LAPTM5: variants seen among roughly 807,000 people sequenced by gnomAD.
LAPTM5 encodes the protein lysosomal-associated transmembrane protein 5.
LAPTM5 carries 11 observed loss-of-function variants against 30.1 expected under a neutral mutation model. The ratio of observed to expected loss-of-function variants is 0.37; its 90% CI spans 0.23 to 0.60. The LOEUF is 0.60. Among genes scored for constraint, LAPTM5 ranks in the 20% least tolerant of loss-of-function variants. The pLI is 0.71. For missense variants in LAPTM5, 324 were observed against 332.5 expected, an observed-to-expected ratio of 0.97 and a Z score of 0.20; for synonymous variants, 151 against 137.9, an observed-to-expected ratio of 1.10 and a Z score of -0.67.
intron 1 of LAPTM5, 29 bp downstream of exon 1, chr1:30,757,630 G>A (rs749275573): frequency 1.7e-5 from 28 of 1,604,022 alleles, no homozygotes; most frequent in Non-Finnish European, 1.2e-5. Flanking sequence ...AAGCACGCAC[G>A]CACACACACC....
chr1:30,733,650 G>A lies in LAPTM5; in HGVS notation c.*178C>T. 6.5e-7 allele frequency: 1 copy of A among 1,533,678 alleles called. No homozygotes were observed. Among genetic ancestry groups the A allele is most frequent in the East Asian group, 2.4e-5 (1 of 40,824 alleles). ...TGACTCAGCCTAAAGCGTTGACCCAGTTGTGAGCAGCTCACAGGCCCTGCA... is the reference window on the plus strand; with the variant it reads ...TGACTCAGCCTAAAGCGTTGACCCAATTGTGAGCAGCTCACAGGCCCTGCA... On this transcript the variant is annotated 3_prime_UTR_variant, in exon 8 of 8. Coordinates refer to ENST00000294507, the MANE Select transcript of LAPTM5 (RefSeq NM_006762.3).
chr1:30,742,213 G>T, intron 2 of LAPTM5: 1 of 562,230 alleles, frequency 1.8e-6, no homozygotes, highest in Non-Finnish European at 3.2e-6. Flanking sequence ...TTTACCAGCT[G>T]GTGGGGATTT....
Position 30,739,244 on chromosome 1 carries a change from C to A in LAPTM5, c.388-182G>T, listed in dbSNP as rs1639933467. On this transcript the variant is annotated intron_variant, in intron 4 of 7. Coordinates refer to ENST00000294507, the MANE Select transcript of LAPTM5 (RefSeq NM_006762.3). The surrounding 1 kb of genome is among the most constrained non-coding windows in gnomAD (Gnocchi z 4.2). Reference sequence around the variant, plus strand: ...GTTCATACCAAGAGCTGGTGGCAGACCCAAGACTAGAACCAAGGTCTCCAG... The same window carrying A: ...GTTCATACCAAGAGCTGGTGGCAGAACCAAGACTAGAACCAAGGTCTCCAG... The A allele has an allele frequency of 1.3e-6, 1 of 752,554 alleles. No homozygotes were observed. Among genetic ancestry groups the A allele is most frequent in the Non-Finnish European group, 2.0e-6 (1 of 494,228 alleles). 46.6% of individuals were successfully genotyped at this position (752,554 alleles called of 1,614,324 possible). A position where few individuals can be genotyped will look rare whatever the true frequency, so the allele number is the denominator to read the frequency against.
intron 1 of LAPTM5, among the ~76,000 whole-genome samples, chr1:30,752,210 A>AG (rs1221151072): frequency 6.6e-6 from 1 of 152,210 alleles, no homozygotes; most frequent in Non-Finnish European, 1.5e-5. Context: ...GTGTGCCAGC[A>AG]GGGGGACCTG....
intron 5 of LAPTM5, among the ~76,000 whole-genome samples, chr1:30,738,463 G>A (rs902482047): frequency 6.6e-6 from 1 of 152,132 alleles, no homozygotes; most frequent in Non-Finnish European, 1.5e-5. Flanking sequence ...CAAGCCCTCA[G>A]TTGTCCACAG....
At chr1:30,757,347 CT>C (rs1640226049) in intron 1 of LAPTM5, among the ~76,000 whole-genome samples, 1 of 152,212 alleles carries the variant, frequency 6.6e-6, no homozygotes, top group South Asian at 2.1e-4. Context: ...AACCTTCCGG[CT>C]GCTGCTGTGC....
intron 1 of LAPTM5, among the ~76,000 whole-genome samples, chr1:30,755,407 A>T (rs1640195978): frequency 6.6e-6 from 1 of 152,038 alleles, no homozygotes; most frequent in Non-Finnish European, 1.5e-5. Context: ...CTTGTCACTC[A>T]AAACCTTTAT....
chr1:30,751,270 G>T (rs768962621), intron 1 of LAPTM5, among the ~76,000 whole-genome samples: 3 of 152,206 alleles, frequency 2.0e-5, no homozygotes, highest in African/African-American at 7.2e-5. Flanking sequence ...TGCCCCCACC[G>T]GCCTCCTCAC....
At chr1:30,735,329 A>T (rs1639871134) in intron 6 of LAPTM5, 64 bp from the exon 7 acceptor site, 5 of 1,352,554 alleles carry the variant, frequency 3.7e-6, no homozygotes, top group Non-Finnish European at 5.3e-6. Context: ...CAGCAGGCCT[A>T]GGACATATGC....
At chr1:30,742,406 C>G in intron 2 of LAPTM5, 50 bp downstream of exon 2, 2 of 1,360,972 alleles carry the variant, frequency 1.5e-6, no homozygotes, top group Non-Finnish European at 2.1e-6. Context: ...TGGCCAGGGC[C>G]CTCCCTGTCC....
In LAPTM5 at chr1:30,754,961, C is replaced by T. The variant is rs549786463; in HGVS notation, c.87+2698G>A. 5.3e-5 allele frequency among the ~76,000 whole-genome samples: 8 copies of T among 152,342 alleles called. No homozygotes were observed. The East Asian group carries it at 1.4e-3, about 26-fold the overall frequency. On this transcript the variant is annotated intron_variant, in intron 1 of 7. Coordinates refer to ENST00000294507, the MANE Select transcript of LAPTM5 (RefSeq NM_006762.3). ...TCCATCCAGATGCTCAAGGTCCTAT[C>T]AGCACACCTGTTGCCAGCTAGCCTA...
chr1:30,739,297 G>T lies in LAPTM5; in HGVS notation c.388-235C>A. The T allele has an allele frequency of 2.2e-6, 1 of 463,600 alleles. No homozygotes were observed. Among genetic ancestry groups the T allele is most frequent in the Non-Finnish European group, 3.9e-6 (1 of 256,112 alleles). 28.7% of individuals were successfully genotyped at this position (463,600 alleles called of 1,614,324 possible). ...TCCCGGGCCAGGGCCCTTCCATGAT[G>T]TAGCCCCCCGGTCTCTTCAAGGACA... On this transcript the variant is annotated intron_variant, in intron 4 of 7. Coordinates refer to ENST00000294507, the MANE Select transcript of LAPTM5 (RefSeq NM_006762.3). The surrounding 1 kb of genome is among the most constrained non-coding windows in gnomAD (Gnocchi z 4.2).
At position 30,733,490 on chromosome 1, in the gene LAPTM5, T is replaced by A. The variant is rs1320062038; in HGVS notation, c.*338A>T. The A allele has an allele frequency of 6.6e-6, 9 of 1,370,024 alleles. No individual in the cohort carries two copies. The highest frequency in any genetic ancestry group is 7.7e-6 in the Non-Finnish European group (8 of 1,041,628). The allele number at this position is 1,370,024 out of a possible 1,614,324, so 84.9% of individuals were successfully genotyped here. ...AGTGGGTTTTTGATTTGTCAGTTGCTTGGCTGAACTGATCAAGTCGATAGT... is the reference window on the plus strand; with the variant it reads ...AGTGGGTTTTTGATTTGTCAGTTGCATGGCTGAACTGATCAAGTCGATAGT... On this transcript the variant is annotated 3_prime_UTR_variant, in exon 8 of 8. Transcript: ENST00000294507.
chr1:30,737,723 T>C (rs1639908629), intron 5 of LAPTM5, 24 bp from the exon 6 acceptor site: 1 of 1,494,094 alleles, frequency 6.7e-7, no homozygotes, highest in Non-Finnish European at 9.3e-7. Flanking sequence ...GGGGGCCACA[T>C]CAATGTCTCT....
intron 1 of LAPTM5, among the ~76,000 whole-genome samples, chr1:30,757,100 G>C (rs925662241): frequency 2.0e-5 from 3 of 152,238 alleles, no homozygotes; most frequent in Admixed American, 1.3e-4. Context: ...GCCGTGGTTT[G>C]ACTGAGCTGG....
intron 7 of LAPTM5, among the ~76,000 whole-genome samples, chr1:30,734,527 C>T (rs1164372851): frequency 3.3e-5 from 5 of 152,336 alleles, no homozygotes; most frequent in African/African-American, 9.6e-5. Context: ...CAAGCCAGAC[C>T]TACATTTGGC....
At chr1:30,755,759 T>G (rs1640200153) in intron 1 of LAPTM5, among the ~76,000 whole-genome samples, 1 of 152,296 alleles carries the variant, frequency 6.6e-6, no homozygotes, top group Admixed American at 6.5e-5. Context: ...GCACTGAGAT[T>G]TTTTTCTACC....
intron 1 of LAPTM5, among the ~76,000 whole-genome samples, chr1:30,745,560 G>A (rs1640031084): frequency 6.6e-6 from 1 of 152,220 alleles, no homozygotes; most frequent in Admixed American, 6.5e-5. Context: ...CTGCGGCAGG[G>A]GACGAGGGAG....
rs758422746 is a variant in LAPTM5 at position 30,739,856 on chromosome 1, A to T, written c.340T>A (p.Tyr114Asn). The change falls in exon 4 of 8, where the codon TAC becomes AAC. Residue 114 changes from tyrosine (Y) to asparagine (N), a missense_variant. Tyr to Asn is a moderately radical substitution (Grantham distance 143). Transcript: ENST00000294507. This position sits in a 1 kb window ranked among gnomAD's most constrained non-coding sequence, Gnocchi z 4.2. ...TTGAGGTAGGCGGGCAGCTCAATGT[A>T]GGAGCCCAGCAGGGTGAGCAGGCAC... ...LLCLLTLLGS[Y>N]IELPAYLKLA... is the part of the protein sequence containing the mutation. The T allele has an allele frequency of 6.2e-7, 1 of 1,607,950 alleles. No homozygotes were observed. Among genetic ancestry groups the T allele is most frequent in the Non-Finnish European group, 8.5e-7 (1 of 1,176,824 alleles).
Sources: gnomAD v4.1 joint callset for allele counts (sites outside exome capture counted in the v4.1 genomes callset) on GRCh38, gnomAD v4.1.1 for gene constraint, Gnocchi (gnomAD v3.1) non-coding constraint, MANE v1.5 for transcripts, NCBI Gene and HGNC (gene_info 2026-07-23, HGNC 2026-07-21) for gene names.